Variants in ACTR3 observed in about 807,000 individuals in gnomAD.
ACTR3 encodes actin related protein 3.
ACTR3 carries 12 observed loss-of-function variants against 56.8 expected under a neutral mutation model. The ratio of observed to expected loss-of-function variants is 0.21; its 90% CI spans 0.14 to 0.34. The LOEUF is 0.34. Among genes scored for constraint, ACTR3 ranks in the 10% least tolerant of loss-of-function variants. The probability of loss-of-function intolerance (pLI) is 1.00; values close to 1 mark genes in which losing one functional copy is unlikely to be tolerated. For synonymous variants in ACTR3, 162 were observed against 167.4 expected (o/e 0.97, Z 0.25); for missense variants, 282 against 512.5 (o/e 0.55, Z 4.34).
At chr2:113,916,535 T>C (rs1054814640) in intron 2 of ACTR3, among the ~76,000 whole-genome samples, 1 of 152,188 alleles carries the variant, frequency 6.6e-6, no homozygotes, top group Admixed American at 6.5e-5. Context: ...TCAGTTTTTT[T>C]CTTTCCAGTT....
At chr2:113,938,414 A>G (rs536790981) in intron 6 of ACTR3, among the ~76,000 whole-genome samples, 14 of 149,874 alleles carry the variant, frequency 9.3e-5, no homozygotes, top group Admixed American at 3.9e-4. Flanking sequence ...GGAGTTCTTT[A>G]TAAGTATTTA....
intron 3 of ACTR3, among the ~76,000 whole-genome samples, chr2:113,925,728 C>T (rs80205040): frequency 6.6e-6 from 1 of 151,920 alleles, no homozygotes; most frequent in Non-Finnish European, 1.5e-5. Flanking sequence ...TTTTTCCTTC[C>T]TTAAAGCAAA....
Position 113,957,404 on chromosome 2 carries a change from A to G in ACTR3, c.1206A>G (p.Glu402=), listed in dbSNP as rs1680235466. ...GCCACACCAAAAAGGATTATGAAGAAATTGGACCTAGCATTTGTCGTCACA... is the reference window on the plus strand; with the variant it reads ...GCCACACCAAAAAGGATTATGAAGAGATTGGACCTAGCATTTGTCGTCACA... ...QVCHTKKDYE[E]IGPSICRHNP... is the part of the protein sequence containing the mutation. The change falls in exon 12 of 12, where the codon GAA becomes GAG. Residue 402 remains glutamate, a synonymous_variant. Transcript: ENST00000263238. 6.2e-7 allele frequency: 1 copy of G among 1,613,366 alleles called. No homozygotes were observed. The highest frequency in any genetic ancestry group is 1.7e-5 in the Admixed American group (1 of 59,952).
chr2:113,955,835 C>T (rs1680201735), intron 11 of ACTR3, 129 bp downstream of exon 11: 7 of 613,362 alleles, frequency 1.1e-5, no homozygotes, highest in Middle Eastern at 9.3e-4. Context: ...GCAACCTCCA[C>T]CTCCTGGGTT....
chr2:113,918,665 G>T (rs2104598003), intron 3 of ACTR3, among the ~76,000 whole-genome samples: 1 of 152,302 alleles, frequency 6.6e-6, no homozygotes, highest in South Asian at 2.1e-4. Context: ...GGTTATAGAT[G>T]TGAGTTACCA....
rs1425225091 is a variant in ACTR3 at position 113,960,847 on chromosome 2, C to T, written c.*3392C>T. The stretch of plus-strand genomic sequence containing the variant: ...TGGTATAAATAATCCAAAATCTGTG[C>T]AGACTCTGGGAGCAAAATGTTCTAC... On this transcript the variant is annotated 3_prime_UTR_variant, in exon 12 of 12. Transcript: ENST00000263238. The T allele has an allele frequency of 6.6e-6, 1 of 151,992 alleles. No homozygotes were observed. Among genetic ancestry groups the T allele is most frequent in the East Asian group, 1.9e-4 (1 of 5,200 alleles). The allele number at this position is 151,992 out of a possible 1,614,324, so 9.4% of individuals were successfully genotyped here. A position where few individuals can be genotyped will look rare whatever the true frequency, so the allele number is the denominator to read the frequency against.
At chr2:113,889,949 C>G, upstream of ACTR3, 1 of 532,336 alleles carries the variant, frequency 1.9e-6, no homozygotes, top group East Asian at 3.4e-5. Context: ...GGGGCGTCGG[C>G]ACCGGCGGCC....
Position 113,901,315 on chromosome 2 carries a change from G to T in ACTR3, c.44+10992G>T, listed in dbSNP as rs115212133. 9.7e-3 allele frequency among the ~76,000 whole-genome samples: 1,479 copies of T among 152,326 alleles called. 27 individuals carry two copies. The highest frequency in any genetic ancestry group is 0.034 in the African/African-American group (1,401 of 41,574). ...AGAGGTTGTGGTGGGCCAAGATCGCGCTGTCGCACTTCAGCCTGGGCAATA... is the reference window on the plus strand; with the variant it reads ...AGAGGTTGTGGTGGGCCAAGATCGCTCTGTCGCACTTCAGCCTGGGCAATA... On this transcript the variant is annotated intron_variant, in intron 1 of 11. Coordinates refer to ENST00000263238, the MANE Select transcript of ACTR3 (RefSeq NM_005721.5).
At chr2:113,946,240 A>G (rs1465969940) in intron 8 of ACTR3, among the ~76,000 whole-genome samples, 1 of 152,132 alleles carries the variant, frequency 6.6e-6, no homozygotes, top group Non-Finnish European at 1.5e-5. Context: ...TTTACACCTA[A>G]TATACACCAA....
chr2:113,939,929 T>C, intron 6 of ACTR3, 30 bp from the exon 7 acceptor site: 3 of 1,555,808 alleles, frequency 1.9e-6, no homozygotes, highest in Non-Finnish European at 2.6e-6. Flanking sequence ...ACATTGAAAG[T>C]AAATTTGGTA....
chr2:113,921,979 A>T (rs1454813456), intron 3 of ACTR3, among the ~76,000 whole-genome samples: 2 of 152,192 alleles, frequency 1.3e-5, no homozygotes, highest in African/African-American at 4.8e-5. Context: ...GCATGGGTAG[A>T]TATGTAGAGG....
Position 113,899,256 on chromosome 2 carries a change from AT to A in ACTR3, c.44+8934del, listed in dbSNP as rs1331878469. ...TTACATATATCTTCAAAAGGAAGGC[AT>A]ACATATTTCTGAAGCTGCAATTTGA... On this transcript the variant is annotated intron_variant, in intron 1 of 11. Coordinates refer to ENST00000263238, the MANE Select transcript of ACTR3 (RefSeq NM_005721.5). 2.0e-5 allele frequency among the ~76,000 whole-genome samples: 3 copies of A among 152,330 alleles called. No individual in the cohort carries two copies. In the East Asian group the frequency reaches 5.8e-4, roughly 29 times the overall value.
intron 8 of ACTR3, among the ~76,000 whole-genome samples, chr2:113,946,749 A>T (rs1404932233): frequency 6.6e-6 from 1 of 152,262 alleles, no homozygotes. Flanking sequence ...TTCATCATGG[A>T]ATCTTTGCCC....
At chr2:113,953,842 C>T (rs1485595831) in intron 10 of ACTR3, 3 of 152,064 alleles carry the variant, frequency 2.0e-5, no homozygotes, top group East Asian at 3.9e-4. Flanking sequence ...CTAATTTTAC[C>T]GGTTGTTTCA....
chr2:113,932,933 A>G (rs1347711210), intron 5 of ACTR3, among the ~76,000 whole-genome samples: 1 of 152,210 alleles, frequency 6.6e-6, no homozygotes, highest in Non-Finnish European at 1.5e-5. Flanking sequence ...ATTACAGTCC[A>G]GGTAGGTAAA....
chr2:113,923,640 T>C (rs1047488512), intron 3 of ACTR3, among the ~76,000 whole-genome samples: 2 of 152,168 alleles, frequency 1.3e-5, no homozygotes, highest in South Asian at 2.1e-4. Flanking sequence ...CGGCCTGTTT[T>C]GTTTGTTTTT....
At chr2:113,949,941 T>C (rs747306399) in intron 8 of ACTR3, among the ~76,000 whole-genome samples, 3 of 152,248 alleles carry the variant, frequency 2.0e-5, no homozygotes, top group Admixed American at 2.0e-4. Flanking sequence ...TTGGAAATAG[T>C]AAGTTTATTT....
chr2:113,916,166 A>G (rs1024634853), intron 2 of ACTR3, among the ~76,000 whole-genome samples: 6 of 152,208 alleles, frequency 3.9e-5, no homozygotes, highest in Non-Finnish European at 7.4e-5. Context: ...TGAAAGTAAC[A>G]GTTGAATGCC....
rs955684738 is a variant in ACTR3 at position 113,960,613 on chromosome 2, T to C, written c.*3158T>C. Reference sequence around the variant, plus strand: ...TATTTGTACCATAGTAAAGGATGTTTTTGTTCCTCTTCATTCTGGGCTAAT... The same window carrying C: ...TATTTGTACCATAGTAAAGGATGTTCTTGTTCCTCTTCATTCTGGGCTAAT... On this transcript the variant is annotated 3_prime_UTR_variant, in exon 12 of 12. Transcript: ENST00000263238. The C allele has an allele frequency of 2.0e-4, 31 of 152,020 alleles. No homozygotes were observed. The highest frequency in any genetic ancestry group is 6.8e-4 in the African/African-American group (28 of 41,430). 9.4% of individuals were successfully genotyped at this position (152,020 alleles called of 1,614,324 possible).
Sources: gnomAD v4.1 joint callset for allele counts (sites outside exome capture counted in the v4.1 genomes callset) on GRCh38, gnomAD v4.1.1 for gene constraint, MANE v1.5 for transcripts, NCBI Gene and HGNC (gene_info 2026-07-23, HGNC 2026-07-21) for gene names.